The following SLC25A21 variants were observed in gnomAD, a reference collection of about 807,000 sequenced individuals.
The protein encoded by SLC25A21 is mitochondrial 2-oxodicarboxylate carrier.
In SLC25A21, 47 loss-of-function variants were observed where a neutral mutation model predicts 43.8. That is an observed-to-expected ratio of 1.07 (90% confidence interval 0.85 to 1.37). SLC25A21 has a LOEUF of 1.37. Ranked by LOEUF, SLC25A21 falls within the 40% of genes most tolerant of loss-of-function variation. The pLI is 0.00. For synonymous variants in SLC25A21, 131 were observed against 121.3 expected, an observed-to-expected ratio of 1.08 and a Z score of -0.52; for missense variants, 352 against 350.2, an observed-to-expected ratio of 1.00 and a Z score of -0.04.
chr14:37,146,308 C>G (rs974685310), intron 1 of SLC25A21, among the ~76,000 whole-genome samples: 1 of 152,062 alleles, frequency 6.6e-6, no homozygotes, highest in Non-Finnish European at 1.5e-5. Flanking sequence ...TACAGTGGTA[C>G]AAACATGGCT....
In SLC25A21 at chr14:36,680,481, C is replaced by T; in HGVS notation, c.*177G>A. On this transcript the variant is annotated 3_prime_UTR_variant, in exon 10 of 10. Transcript: ENST00000331299. The stretch of plus-strand genomic sequence containing the variant: ...TCTTCTCACAGTTTTATTTATACAG[C>T]CAAAACTATAATCTCAAGTTGCCTA... 1.6e-6 allele frequency: 2 copies of T among 1,233,512 alleles called. No homozygotes were observed. Among genetic ancestry groups the T allele is most frequent in the East Asian group, 6.3e-5 (2 of 31,712 alleles). The allele number at this position is 1,233,512 out of a possible 1,614,324, so 76.4% of individuals were successfully genotyped here.
intron 1 of SLC25A21, among the ~76,000 whole-genome samples, chr14:37,089,976 G>A (rs1962554405): frequency 1.3e-5 from 2 of 152,102 alleles, no homozygotes; most frequent in South Asian, 4.1e-4. Flanking sequence ...TTTAAAATGT[G>A]CAAAGAAACA....
At chr14:36,850,766 A>G (rs370159805) in intron 2 of SLC25A21, among the ~76,000 whole-genome samples, 7 of 152,280 alleles carry the variant, frequency 4.6e-5, no homozygotes, top group East Asian at 3.9e-4. Flanking sequence ...GAATTTTAAC[A>G]CTATCCAGCC....
intron 1 of SLC25A21, among the ~76,000 whole-genome samples, chr14:36,901,403 T>A (rs1891395917): frequency 6.6e-6 from 1 of 152,192 alleles, no homozygotes; most frequent in Non-Finnish European, 1.5e-5. Flanking sequence ...ATATTCTGTA[T>A]TTTGAGTTAA....
chr14:36,801,799 A>G (rs149836440), intron 3 of SLC25A21, among the ~76,000 whole-genome samples: 2 of 152,252 alleles, frequency 1.3e-5, no homozygotes, highest in East Asian at 3.9e-4. Context: ...TTATGTACAC[A>G]GTTTTTGTCC....
chr14:36,863,630 TA>T (rs1890133449), intron 2 of SLC25A21, among the ~76,000 whole-genome samples: 2 of 152,222 alleles, frequency 1.3e-5, no homozygotes, highest in African/African-American at 2.4e-5. Context: ...TGCATTTTTT[TA>T]AAAGAGGATT....
rs374043559 is a variant in SLC25A21 at position 36,880,087 on chromosome 14, T to C, written c.71-5083A>G. Among the ~76,000 whole-genome samples, 186 of 152,274 alleles carry C rather than the reference T, an allele frequency of 1.2e-3. 1 individual carries two copies. Among genetic ancestry groups the C allele is most frequent in the Middle Eastern group, 0.01 (3 of 294 alleles). ...TCTTCCTGGCCACTCAGAAAAAATA[T>C]TGCATTTCCCAGCTTCTTTTGCTGC... On this transcript the variant is annotated intron_variant, in intron 1 of 9. Transcript: ENST00000331299.
At chr14:36,684,459 TAGA>T (rs1033521788) in intron 8 of SLC25A21, among the ~76,000 whole-genome samples, 1 of 152,168 alleles carries the variant, frequency 6.6e-6, no homozygotes, top group African/African-American at 2.4e-5. Flanking sequence ...GCCTATATAT[TAGA>T]AGGACATATA....
At chr14:36,911,774 G>A (rs181644824) in intron 1 of SLC25A21, among the ~76,000 whole-genome samples, 41 of 152,196 alleles carry the variant, frequency 2.7e-4, no homozygotes, top group African/African-American at 9.9e-4. Flanking sequence ...ACCCACATGA[G>A]CCCAGGCAAC....
chr14:37,044,393 G>A (rs1252807770), intron 1 of SLC25A21, among the ~76,000 whole-genome samples: 1 of 152,036 alleles, frequency 6.6e-6, no homozygotes, highest in Non-Finnish European at 1.5e-5. Context: ...ACATAAGCAT[G>A]TTTCTTCTCC....
intron 2 of SLC25A21, among the ~76,000 whole-genome samples, chr14:36,872,292 A>C (rs180817287): frequency 7.9e-5 from 12 of 152,300 alleles, no homozygotes; most frequent in African/African-American, 2.4e-4. Context: ...TTTCTGCCTA[A>C]TCTTTTTCTT....
At chr14:37,068,599 G>C (rs1962108506) in intron 1 of SLC25A21, among the ~76,000 whole-genome samples, 1 of 152,142 alleles carries the variant, frequency 6.6e-6, no homozygotes, top group African/African-American at 2.4e-5. Context: ...TTTGTAAATT[G>C]ATTTAAATCT....
intron 4 of SLC25A21, 25 bp downstream of exon 4, chr14:36,734,482 T>C (rs796287211): frequency 1.3e-6 from 2 of 1,585,928 alleles, no homozygotes; most frequent in Non-Finnish European, 1.7e-6. Context: ...TACTTTTGCT[T>C]GGTGCGAACG....
rs1323031022 is a variant in SLC25A21 at position 36,684,900 on chromosome 14, T to C, written c.629A>G (p.Lys210Arg). Residue 210 changes from lysine to arginine, a missense_variant, in exon 8 of 10, where the codon AAA (lysine) becomes AGA (arginine). Coordinates refer to ENST00000331299, the MANE Select transcript of SLC25A21 (RefSeq NM_030631.4). ...CCCCGAGAGAAGACCAATCCCAAATTTTCTCCAAAACTCCAAGATTGGATC... is the reference window on the plus strand; with the variant it reads ...CCCCGAGAGAAGACCAATCCCAAATCTTCTCCAAAACTCCAAGATTGGATC... ...NKDPILEFWRKFGIGLLSGTI... is the reference protein window; with the variant it reads ...NKDPILEFWRRFGIGLLSGTI... The C allele has an allele frequency of 1.2e-6, 2 of 1,608,910 alleles. No homozygotes were observed.
At chr14:37,020,444 C>T (rs1364799750) in intron 1 of SLC25A21, among the ~76,000 whole-genome samples, 3 of 147,504 alleles carry the variant, frequency 2.0e-5, no homozygotes, top group African/African-American at 8.0e-5. Context: ...ATGAAAAAGT[C>T]ACTTTTTTTT....
chr14:36,985,070 A>G (rs547608007), intron 1 of SLC25A21, among the ~76,000 whole-genome samples: 76 of 151,624 alleles, frequency 5.0e-4, no homozygotes, highest in African/African-American at 1.3e-3. Flanking sequence ...GTAAACTATC[A>G]CAAGAACAAA....
At chr14:36,974,195 T>C (rs1366527492) in intron 1 of SLC25A21, among the ~76,000 whole-genome samples, 1 of 152,224 alleles carries the variant, frequency 6.6e-6, no homozygotes, top group African/African-American at 2.4e-5. Context: ...ATTTAAAGTT[T>C]ACTGACTCTC....
At chr14:36,988,404 A>G (rs1960191818) in intron 1 of SLC25A21, among the ~76,000 whole-genome samples, 1 of 152,162 alleles carries the variant, frequency 6.6e-6, no homozygotes. Context: ...TGGCGAGTTG[A>G]GATATTAAAC....
At chr14:37,166,213 C>T (rs1465120876) in intron 1 of SLC25A21, among the ~76,000 whole-genome samples, 13 of 152,180 alleles carry the variant, frequency 8.5e-5, no homozygotes, top group Admixed American at 8.5e-4. Context: ...ATGTGTCCAA[C>T]TACATGTAGA....
Sources: gnomAD v4.1 joint callset for allele counts (sites outside exome capture counted in the v4.1 genomes callset) on GRCh38, gnomAD v4.1.1 for gene constraint, MANE v1.5 for transcripts, NCBI Gene and HGNC (gene_info 2026-07-23, HGNC 2026-07-21) for gene names.